The following RIOK1 variants were observed in gnomAD, a reference collection of about 807,000 sequenced individuals.
RIOK1 encodes serine/threonine-protein kinase RIO1.
In RIOK1, 66 loss-of-function variants were observed where a neutral mutation model predicts 73.5. That is an observed-to-expected ratio of 0.90 (90% CI 0.74 to 1.10). The LOEUF is 1.10. RIOK1 is among the 50% of genes least tolerant of loss of function. RIOK1 has a pLI of 0.00. For synonymous variants in RIOK1, 224 were observed against 226.8 expected, an observed-to-expected ratio of 0.99 and a Z score of 0.11; for missense variants, 658 against 699.8, an observed-to-expected ratio of 0.94 and a Z score of 0.67.
At chr6:7,405,510 T>C (rs574235685) in intron 12 of RIOK1, among the ~76,000 whole-genome samples, 155 bp downstream of exon 12, 2 of 152,318 alleles carry the variant, frequency 1.3e-5, no homozygotes, top group South Asian at 4.1e-4. Flanking sequence ...ATCCGAAATA[T>C]CAAAATCCAA....
intron 12 of RIOK1, 65 bp downstream of exon 12, chr6:7,405,420 G>A: frequency 3.2e-6 from 3 of 944,500 alleles, no homozygotes; most frequent in Non-Finnish European, 5.0e-6. Flanking sequence ...CTTATCTCAA[G>A]TGCTTGGGAC....
intron 16 of RIOK1, among the ~76,000 whole-genome samples, chr6:7,416,604 C>T (rs1239638316): frequency 2.7e-5 from 4 of 150,726 alleles, no homozygotes; most frequent in African/African-American, 4.9e-5. Flanking sequence ...GCCGAGATCA[C>T]GCCACTGCAT....
At chr6:7,408,550 A>G (rs1158140146) in intron 12 of RIOK1, among the ~76,000 whole-genome samples, 3 of 152,124 alleles carry the variant, frequency 2.0e-5, no homozygotes, top group Non-Finnish European at 4.4e-5. Context: ...TATTATACTA[A>G]GTCCCTAATT....
Position 7,404,461 on chromosome 6 carries a change from G to A in RIOK1, c.898G>A (p.Ala300Thr). The change falls in exon 10 of 17, where the codon GCT (alanine) becomes ACT (threonine). Residue 300 changes from alanine (A) to threonine (T), a missense_variant. Physicochemically the swap from Ala to Thr is moderately conservative, Grantham distance 58. Coordinates refer to ENST00000379834, the MANE Select transcript of RIOK1 (RefSeq NM_031480.3). ...LKNVQLSESK[A>T]RELYLQVIQY... ...AAATGTCCAGTTATCAGAATCCAAG[G>A]CTCGGGAGTTGTACCTGCAGGTCAT... 6.2e-7 allele frequency: 1 copy of A among 1,614,098 alleles called. No homozygotes were observed. Among genetic ancestry groups the A allele is most frequent in the Non-Finnish European group, 8.5e-7 (1 of 1,180,010 alleles).
intron 14 of RIOK1, among the ~76,000 whole-genome samples, chr6:7,412,360 C>CAA (rs555194421): frequency 9.3e-6 from 1 of 107,698 alleles, no homozygotes; most frequent in Non-Finnish European, 1.9e-5. Flanking sequence ...AACTCTGTCT[C>CAA]AAAAAAAAAA....
chr6:7,405,288 G>A lies in RIOK1; in HGVS notation c.1136G>A (p.Arg379Gln), dbSNP rs202099009. ...CACAGTGTTGCTGTCATGACTGTGC[G>A]GGAGCTCTTTGAATTTGTCACAGAT... The part of the protein sequence containing the change: ...MRHSVAVMTV[R>Q]ELFEFVTDPS... The change falls in exon 12 of 17, where the codon CGG (arginine) becomes CAG (glutamine). Residue 379 changes from arginine (R) to glutamine (Q), a missense_variant. Coordinates refer to ENST00000379834, the MANE Select transcript of RIOK1 (RefSeq NM_031480.3). 1.2e-4 allele frequency: 201 copies of A among 1,613,294 alleles called. 2 individuals carry two copies. The Admixed American group carries it at 2.8e-3, about 23-fold the overall frequency.
At position 7,417,976 on chromosome 6, in the gene RIOK1, T is replaced by TA. The variant is rs1762049604; in HGVS notation, c.*535_*536insA. On this transcript the variant is annotated 3_prime_UTR_variant, in exon 17 of 17. Coordinates refer to ENST00000379834, the MANE Select transcript of RIOK1 (RefSeq NM_031480.3). ...CGATCATTTGTAATGCTCTTACACT[T>TA]CGTCTTTAATGTTCTTTTTGGAGTT... 6.6e-6 allele frequency: 1 copy of TA among 152,256 alleles called. No individual in the cohort carries two copies. The highest frequency in any genetic ancestry group is 2.1e-4 in the South Asian group (1 of 4,830). 9.4% of individuals were successfully genotyped at this position (152,256 alleles called of 1,614,324 possible). A position where few individuals can be genotyped will look rare whatever the true frequency, so the allele number is the denominator to read the frequency against.
At chr6:7,416,423 TGGATC>T (rs1762001978) in intron 16 of RIOK1, among the ~76,000 whole-genome samples, 1 of 152,088 alleles carries the variant, frequency 6.6e-6, no homozygotes, top group African/African-American at 2.4e-5. Context: ...CCAAGGCAGG[TGGATC>T]ACGAGGTCAG....
chr6:7,403,035 G>A, intron 8 of RIOK1, 138 bp downstream of exon 8: 3 of 621,662 alleles, frequency 4.8e-6, no homozygotes, highest in Non-Finnish European at 8.3e-6. Flanking sequence ...GTCTGCTGAA[G>A]TAAGCAGAAG....
intron 15 of RIOK1, among the ~76,000 whole-genome samples, chr6:7,413,406 CTTGTT>C (rs1761931666): frequency 1.3e-5 from 2 of 152,148 alleles, no homozygotes; most frequent in Non-Finnish European, 2.9e-5. Flanking sequence ...TTAAAACAAT[CTTGTT>C]TTGTTTTACA....
chr6:7,411,675 T>A (rs1230606294), intron 14 of RIOK1: 1 of 454,380 alleles, frequency 2.2e-6, no homozygotes, highest in Non-Finnish European at 3.9e-6. Context: ...CAACAAGCTG[T>A]AATTGTAGAA....
intron 1 of RIOK1, among the ~76,000 whole-genome samples, chr6:7,390,284 T>C (rs575474373): frequency 6.6e-6 from 1 of 152,166 alleles, no homozygotes; most frequent in South Asian, 2.1e-4. Context: ...GTCAAGGGAG[T>C]CTGCGGTTCT....
intron 16 of RIOK1, 30 bp downstream of exon 16, chr6:7,414,420 T>A (rs1561882503): frequency 1.3e-6 from 2 of 1,581,596 alleles, no homozygotes; most frequent in East Asian, 4.5e-5. Flanking sequence ...CCCCTTTTCT[T>A]TAGTGTGGGA....
At chr6:7,409,808 A>AT (rs1243953454) in intron 12 of RIOK1, among the ~76,000 whole-genome samples, 1 of 151,992 alleles carries the variant, frequency 6.6e-6, no homozygotes, top group Admixed American at 6.6e-5. Flanking sequence ...AAAAAAAAAA[A>AT]AAAAAAACCT....
chr6:7,412,189 T>C (rs1326067319), intron 14 of RIOK1, among the ~76,000 whole-genome samples: 42 of 139,330 alleles, frequency 3.0e-4, no homozygotes, highest in African/African-American at 4.3e-4. Flanking sequence ...GGTGAAACCC[T>C]GTCTCTACTA....
In RIOK1 at chr6:7,393,161, A is replaced by G. The variant is rs778862073; in HGVS notation, c.134A>G (p.Asp45Gly). 3.4e-5 allele frequency: 55 copies of G among 1,613,806 alleles called. No homozygotes were observed. Among genetic ancestry groups the G allele is most frequent in the Non-Finnish European group, 4.5e-5 (53 of 1,179,810 alleles). ...GACATTCTGTTTGAAGACCTTCAAGACAATGTGAATGAGAATGGTGAAGGT... is the reference window on the plus strand; with the variant it reads ...GACATTCTGTTTGAAGACCTTCAAGGCAATGTGAATGAGAATGGTGAAGGT... Reference protein sequence around the residue: ...KDDILFEDLQDNVNENGEGEI... With the variant: ...KDDILFEDLQGNVNENGEGEI... Residue 45 changes from aspartate (D) to glycine (G), a missense_variant, in exon 2 of 17, where the codon GAC becomes GGC. Physicochemically the swap from Asp to Gly is moderately conservative, Grantham distance 94 (BLOSUM62 -1). Transcript: ENST00000379834.
chr6:7,397,381 T>G (rs1233617451), intron 4 of RIOK1, among the ~76,000 whole-genome samples: 1 of 152,232 alleles, frequency 6.6e-6, no homozygotes, highest in East Asian at 1.9e-4. Context: ...AGATTTCAGT[T>G]TAAACTAAAA....
At chr6:7,408,364 C>G (rs548084537) in intron 12 of RIOK1, among the ~76,000 whole-genome samples, 1 of 152,278 alleles carries the variant, frequency 6.6e-6, no homozygotes, top group African/African-American at 2.4e-5. Context: ...CCTGTCCTTT[C>G]CTCTTTTTCC....
intron 16 of RIOK1, among the ~76,000 whole-genome samples, chr6:7,416,162 A>G (rs1004417508): frequency 6.6e-6 from 1 of 152,214 alleles, no homozygotes; most frequent in East Asian, 1.9e-4. Flanking sequence ...AACCTTATAC[A>G]ATGTGGGTCC....
Sources: gnomAD v4.1 joint callset for allele counts (sites outside exome capture counted in the v4.1 genomes callset) on GRCh38, gnomAD v4.1.1 for gene constraint, MANE v1.5 for transcripts, NCBI Gene and HGNC (gene_info 2026-07-23, HGNC 2026-07-21) for gene names.